Variants in NRXN3 observed in about 807,000 individuals in gnomAD.
NRXN3 encodes neurexin 3, also known as neurexin III.
Under a neutral mutation model 137.6 loss-of-function variants are expected in NRXN3, and 32 were observed. The ratio of observed to expected loss-of-function variants is 0.23; its 90% CI spans 0.18 to 0.31. The LOEUF (loss-of-function observed/expected upper bound fraction) is 0.31, where lower values mean the gene tolerates loss of function less well. Ranked by LOEUF, NRXN3 falls within the 10% of genes least tolerant of loss-of-function variation. The pLI is 1.00. For synonymous variants in NRXN3, 798 were observed against 784.5 expected, an observed-to-expected ratio of 1.02 and a Z score of -0.29; for missense variants, 1,574 against 2,062.5, an observed-to-expected ratio of 0.76 and a Z score of 4.59.
intron 1 of NRXN3, among the ~76,000 whole-genome samples, chr14:78,222,309 G>A (rs559698504): frequency 6.8e-6 from 1 of 146,382 alleles, no homozygotes; most frequent in Admixed American, 6.8e-5. Context: ...CTAGCCTTAG[G>A]AATAAAGGGC....
intron 15 of NRXN3, chr14:79,279,297 G>C: frequency 1.0e-6 from 1 of 955,340 alleles, no homozygotes; most frequent in South Asian, 4.8e-5. Flanking sequence ...TCGGCAGAGC[G>C]CTGGGGCTGC....
At chr14:78,805,578 A>C (rs111393619) in intron 9 of NRXN3, among the ~76,000 whole-genome samples, 16 of 150,672 alleles carry the variant, frequency 1.1e-4, no homozygotes, top group African/African-American at 3.9e-4. Context: ...GCAGCTGATT[A>C]TCTCCTCAGA....
intron 4 of NRXN3, among the ~76,000 whole-genome samples, chr14:78,452,708 G>A (rs895112050): frequency 3.3e-5 from 5 of 152,142 alleles, no homozygotes; most frequent in African/African-American, 1.2e-4. Context: ...TCATAAAGTG[G>A]TGCCAATTTG....
intron 2 of NRXN3, among the ~76,000 whole-genome samples, chr14:78,262,760 A>G (rs936568459): frequency 5.9e-5 from 9 of 152,188 alleles, no homozygotes; most frequent in African/African-American, 2.2e-4. Flanking sequence ...AAAGGTTCTC[A>G]ACTTAGAGGA....
intron 20 of NRXN3, among the ~76,000 whole-genome samples, chr14:79,832,865 C>A (rs182276534): frequency 6.6e-6 from 1 of 152,094 alleles, no homozygotes; most frequent in African/African-American, 2.4e-5. Flanking sequence ...TGGATTTATT[C>A]TTTTAGATTA....
chr14:78,224,776 T>C (rs1395355588), intron 1 of NRXN3, among the ~76,000 whole-genome samples: 1 of 142,518 alleles, frequency 7.0e-6, no homozygotes, highest in Non-Finnish European at 1.5e-5. Flanking sequence ...TTTTTTTTTT[T>C]TGAGACGGAG....
At chr14:78,315,631 GTGACCTCTATCT>G (rs975188732) in intron 4 of NRXN3, among the ~76,000 whole-genome samples, 3 of 152,216 alleles carry the variant, frequency 2.0e-5, no homozygotes, top group Non-Finnish European at 4.4e-5. Context: ...TTTAAGGGAT[GTGACCTCTATCT>G]TGCATCCATA....
intron 15 of NRXN3, among the ~76,000 whole-genome samples, chr14:79,270,357 C>T (rs772259413): frequency 2.6e-5 from 4 of 152,126 alleles, no homozygotes; most frequent in Non-Finnish European, 4.4e-5. Flanking sequence ...CAAAATATCT[C>T]GATAGTATTG....
intron 15 of NRXN3, among the ~76,000 whole-genome samples, chr14:79,084,741 G>A (rs1384648019): frequency 6.6e-6 from 1 of 152,112 alleles, no homozygotes; most frequent in Non-Finnish European, 1.5e-5. Flanking sequence ...GTCATCAATC[G>A]TATTGATTTT....
chr14:78,908,644 A>G (rs1297266398), intron 10 of NRXN3, among the ~76,000 whole-genome samples: 1 of 152,134 alleles, frequency 6.6e-6, no homozygotes, highest in Non-Finnish European at 1.5e-5. Context: ...ATAAACTTGT[A>G]CTAACTTCTT....
chr14:79,200,495 G>A (rs763334174), intron 15 of NRXN3, among the ~76,000 whole-genome samples: 3 of 152,140 alleles, frequency 2.0e-5, no homozygotes, highest in Non-Finnish European at 2.9e-5. Flanking sequence ...GGCCAGCTGC[G>A]TCATCTGGAG....
chr14:78,491,069 T>C (rs2095657249), intron 4 of NRXN3, among the ~76,000 whole-genome samples: 1 of 152,154 alleles, frequency 6.6e-6, no homozygotes, highest in Non-Finnish European at 1.5e-5. Flanking sequence ...GTTGCATTGC[T>C]GGGTCCCCTT....
At chr14:79,147,768 A>G (rs1432827615) in intron 15 of NRXN3, among the ~76,000 whole-genome samples, 1 of 152,120 alleles carries the variant, frequency 6.6e-6, no homozygotes, top group African/African-American at 2.4e-5. Flanking sequence ...GCAGCAAGGC[A>G]TCGTTGCTTT....
intron 20 of NRXN3, among the ~76,000 whole-genome samples, chr14:79,859,776 C>T (rs1281410053): frequency 6.6e-6 from 1 of 152,146 alleles, no homozygotes; most frequent in Non-Finnish European, 1.5e-5. Flanking sequence ...CAGAAAGAGG[C>T]CTTCAACAAT....
chr14:78,694,113 G>C (rs2098201418), intron 6 of NRXN3, among the ~76,000 whole-genome samples: 1 of 151,892 alleles, frequency 6.6e-6, no homozygotes. Context: ...CCCACAGCTT[G>C]AATTAAGAGC....
intron 15 of NRXN3, among the ~76,000 whole-genome samples, chr14:79,227,780 T>G (rs1163632763): frequency 2.2e-5 from 1 of 45,772 alleles, no homozygotes; most frequent in African/African-American, 6.2e-5. Flanking sequence ...CTTCCTTCCT[T>G]CCTTCCCTCC....
chr14:78,753,573 A>G (rs1041003518), intron 8 of NRXN3, among the ~76,000 whole-genome samples: 1 of 152,184 alleles, frequency 6.6e-6, no homozygotes, highest in African/African-American at 2.4e-5. Flanking sequence ...GTGAATAATG[A>G]TGATAATGGC....
At chr14:79,295,028 A>G (rs554635324) in intron 15 of NRXN3, among the ~76,000 whole-genome samples, 7 of 152,192 alleles carry the variant, frequency 4.6e-5, no homozygotes, top group African/African-American at 1.7e-4. Context: ...CAGTCTGATC[A>G]TGCCGCTCTT....
At chr14:79,588,832 T>C (rs2097781057) in intron 16 of NRXN3, among the ~76,000 whole-genome samples, 1 of 152,212 alleles carries the variant, frequency 6.6e-6, no homozygotes, top group South Asian at 2.1e-4. Flanking sequence ...GTGGGGTACA[T>C]GAGATGTTTT....
Sources: gnomAD v4.1 joint callset for allele counts (sites outside exome capture counted in the v4.1 genomes callset) on GRCh38, gnomAD v4.1.1 for gene constraint, MANE v1.5 for transcripts, NCBI Gene and HGNC (gene_info 2026-07-23, HGNC 2026-07-21) for gene names.